Variants in NDRG4 observed in about 807,000 individuals in gnomAD.
NDRG4 encodes the protein protein NDRG4.
In NDRG4, 38 loss-of-function variants were observed where a neutral mutation model predicts 55.8. The ratio of observed to expected loss-of-function variants is 0.68; its 90% confidence interval spans 0.53 to 0.89. NDRG4 has a LOEUF of 0.89. NDRG4 is among the 40% of genes least tolerant of loss of function. The pLI is 0.00. For missense variants in NDRG4, 455 were observed against 468.6 expected (o/e 0.97, Z 0.27); for synonymous variants, 190 against 182.7 (o/e 1.04, Z -0.32).
chr16:58,505,535 A>T (rs556900527), intron 5 of NDRG4, among the ~76,000 whole-genome samples: 7 of 151,812 alleles, frequency 4.6e-5, no homozygotes, highest in African/African-American at 1.7e-4. Flanking sequence ...GCACTTAATC[A>T]TTTTGTTAAC....
intron 2 of NDRG4, among the ~76,000 whole-genome samples, chr16:58,489,688 A>G (rs1043218952): frequency 6.6e-6 from 1 of 152,052 alleles, no homozygotes; most frequent in African/African-American, 2.4e-5. Flanking sequence ...TGCCTCACAC[A>G]GCACACATAG....
intron 2 of NDRG4, among the ~76,000 whole-genome samples, chr16:58,488,794 C>T (rs974024458): frequency 6.6e-6 from 1 of 152,168 alleles, no homozygotes. Context: ...ATCTTCCAGA[C>T]AGAACCTTGA....
chr16:58,468,862 A>G (rs1015850973), intron 1 of NDRG4, among the ~76,000 whole-genome samples: 2 of 151,998 alleles, frequency 1.3e-5, no homozygotes, highest in Admixed American at 1.3e-4. Context: ...TTTTAGTGTG[A>G]TATGTGAAAG....
At chr16:58,506,158 C>CTG (rs1555486673) in intron 5 of NDRG4, 4 of 430,312 alleles carry the variant, frequency 9.3e-6, no homozygotes, top group Non-Finnish European at 1.7e-5. Context: ...GTGTGTGTGT[C>CTG]TGTGTGTGTG....
Position 58,464,922 on chromosome 16 carries a change from G to A in NDRG4, c.-24+1125G>A. 8.5e-7 allele frequency: 1 copy of A among 1,176,578 alleles called. No homozygotes were observed. The highest frequency in any genetic ancestry group is 1.1e-6 in the Non-Finnish European group (1 of 936,072). 72.9% of individuals were successfully genotyped at this position (1,176,578 alleles called of 1,614,324 possible). ...GCTGGGAGTGGAGGCGACGCCAAGT[G>A]GCCTGGGAAGTGGGAAGCCAGATTG... On this transcript the variant is annotated intron_variant, in intron 1 of 15. Transcript: ENST00000258187. This position sits in a 1 kb window ranked among gnomAD's most constrained non-coding sequence, Gnocchi z 4.8.
At chr16:58,498,737 G>A (rs2036690123), upstream of NDRG4, among the ~76,000 whole-genome samples, 1 of 152,158 alleles carries the variant, frequency 6.6e-6, no homozygotes, top group African/African-American at 2.4e-5. Flanking sequence ...GCCCTGGCAG[G>A]AGAGAAATGG....
chr16:58,499,767 G>A (rs1031284701), upstream of NDRG4: 25 of 243,112 alleles, frequency 1.0e-4, no homozygotes, highest in South Asian at 7.0e-4. Flanking sequence ...GCCCTGCCCC[G>A]CATTGGTAAG....
chr16:58,507,706 C>G lies in NDRG4; in HGVS notation c.621-102C>G. On this transcript the variant is annotated intron_variant, in intron 8 of 14. Coordinates refer to ENST00000570248, the MANE Select transcript of NDRG4 (RefSeq NM_001242835.2). The stretch of plus-strand genomic sequence containing the variant: ...CCAGTTCATTTATGCAGAGCAGGTC[C>G]ACGCCTCCCTGCTTTACCAATTGGC... The G allele has an allele frequency of 5.4e-6, 6 of 1,107,330 alleles. No homozygotes were observed. The South Asian group carries it at 8.2e-5, about 15-fold the overall frequency. The allele number at this position is 1,107,330 out of a possible 1,614,324, so 68.6% of individuals were successfully genotyped here. A position where few individuals can be genotyped will look rare whatever the true frequency, so the allele number is the denominator to read the frequency against.
upstream of NDRG4, among the ~76,000 whole-genome samples, chr16:58,497,426 CTT>C (rs1331822647): frequency 2.6e-5 from 4 of 152,232 alleles, no homozygotes. Flanking sequence ...GTTTGCCACT[CTT>C]GATTCTGAGA....
At position 58,464,316 on chromosome 16, in the gene NDRG4, T is replaced by C. The variant is rs2031139258; in HGVS notation, c.-24+519T>C. ...CTGGCTGTGAGCTGCTCCTGCCGCTTCGCTCCGCGCTCTCCTGCCGCTCCG... is the reference window on the plus strand; with the variant it reads ...CTGGCTGTGAGCTGCTCCTGCCGCTCCGCTCCGCGCTCTCCTGCCGCTCCG... On this transcript the variant is annotated intron_variant, in intron 1 of 15. Transcript: ENST00000258187. The surrounding 1 kb of genome is among the most constrained non-coding windows in gnomAD (Gnocchi z 4.8). 1.1e-6 allele frequency: 1 copy of C among 913,786 alleles called. No individual in the cohort carries two copies. The highest frequency in any genetic ancestry group is 2.8e-5 in the South Asian group (1 of 35,918). 56.6% of individuals were successfully genotyped at this position (913,786 alleles called of 1,614,324 possible). A position where few individuals can be genotyped will look rare whatever the true frequency, so the allele number is the denominator to read the frequency against.
rs543292970 is a variant in NDRG4 at position 58,464,698 on chromosome 16, G to A, written c.-24+901G>A. On this transcript the variant is annotated intron_variant, in intron 1 of 15. Coordinates refer to the NDRG4 transcript ENST00000258187. This position sits in a 1 kb window ranked among gnomAD's most constrained non-coding sequence, Gnocchi z 4.8. ...CCGGGCTGCGGGAGCACCGGTCAGGGGGTGGCCCCATGGGGTCTCTGACCA... is the reference window on the plus strand; with the variant it reads ...CCGGGCTGCGGGAGCACCGGTCAGGAGGTGGCCCCATGGGGTCTCTGACCA... 893 of 1,191,086 alleles carry A rather than the reference G, an allele frequency of 7.5e-4. 2 individuals are homozygous for A. The African/African-American group carries it at 0.013, about 18-fold the overall frequency. The allele number at this position is 1,191,086 out of a possible 1,614,324, so 73.8% of individuals were successfully genotyped here.
intron 1 of NDRG4, chr16:58,501,771 G>A: frequency 2.9e-6 from 1 of 341,880 alleles, no homozygotes; most frequent in Non-Finnish European, 5.9e-6. Context: ...AGGGGGATGG[G>A]GACAGGGGCG....
At chr16:58,469,086 AT>A (rs957863163) in intron 1 of NDRG4, among the ~76,000 whole-genome samples, 13 of 152,172 alleles carry the variant, frequency 8.5e-5, no homozygotes, top group African/African-American at 3.1e-4. Flanking sequence ...GTTGTTTAGA[AT>A]TTTGGTTTCA....
intron 1 of NDRG4, chr16:58,465,130 C>T (rs2031331927): frequency 6.2e-6 from 8 of 1,284,348 alleles, no homozygotes; most frequent in Non-Finnish European, 8.1e-6. Flanking sequence ...GTGTTCTCCC[C>T]GGTGTGGAGA....
chr16:58,506,651 G>A, intron 7 of NDRG4, 37 bp downstream of exon 7: 1 of 1,545,236 alleles, frequency 6.5e-7, no homozygotes, highest in Non-Finnish European at 8.7e-7. Context: ...GGGGTGATCT[G>A]GGATTTGCCC....
intron 1 of NDRG4, among the ~76,000 whole-genome samples, chr16:58,467,986 C>T (rs1411911704): frequency 1.3e-5 from 2 of 152,188 alleles, no homozygotes; most frequent in East Asian, 1.9e-4. Context: ...TCACAACAGT[C>T]CAGGCCTCTC....
intron 2 of NDRG4, among the ~76,000 whole-genome samples, chr16:58,488,891 T>C (rs569000198): frequency 2.0e-5 from 3 of 152,294 alleles, no homozygotes; most frequent in African/African-American, 7.2e-5. Context: ...TCAAGCCCTT[T>C]ATTCTAAGTT....
Position 58,507,933 on chromosome 16 carries a change from C to T in NDRG4, c.678-15C>T, listed in dbSNP as rs774697668. The T allele has an allele frequency of 1.3e-5, 21 of 1,612,186 alleles. No individual in the cohort carries two copies. Among genetic ancestry groups the T allele is most frequent in the South Asian group, 2.2e-5 (2 of 90,982 alleles). ...CATGACCCAGCCAGACAGCCCTTTT[C>T]CTCTGTATCTGCAGCTGCCCCGTGA... On this transcript the variant is annotated splice_polypyrimidine_tract_variant and intron_variant, in intron 9 of 14. Transcript: ENST00000570248.
chr16:58,478,332 T>C (rs1427561683), intron 1 of NDRG4, among the ~76,000 whole-genome samples: 4 of 150,666 alleles, frequency 2.7e-5, no homozygotes, highest in South Asian at 2.1e-4. Flanking sequence ...GAGGTTGCAG[T>C]GAGCCGAGAT....
Sources: gnomAD v4.1 joint callset for allele counts (sites outside exome capture counted in the v4.1 genomes callset) on GRCh38, gnomAD v4.1.1 for gene constraint, Gnocchi (gnomAD v3.1) non-coding constraint, MANE v1.5 for transcripts, NCBI Gene and HGNC (gene_info 2026-07-23, HGNC 2026-07-21) for gene names.